The following ACCSL variants were observed in gnomAD, a reference collection of about 807,000 sequenced individuals.
ACCSL encodes the protein probable inactive 1-aminocyclopropane-1-carboxylate synthase-like protein 2.
ACCSL carries 55 observed loss-of-function variants against 61.7 expected under a neutral mutation model. The observed-to-expected ratio is 0.89, with a 90% CI of 0.72 to 1.12. ACCSL has a LOEUF of 1.12. ACCSL is among the 50% of genes most tolerant of loss of function. ACCSL has a pLI of 0.00. For missense variants in ACCSL, 632 were observed against 698.0 expected (o/e 0.91, Z 1.07); for synonymous variants, 258 against 264.3 (o/e 0.98, Z 0.23).
intron 3 of ACCSL, among the ~76,000 whole-genome samples, 153 bp downstream of exon 3, chr11:44,050,775 A>G (rs1952632333): frequency 6.6e-6 from 1 of 151,414 alleles, no homozygotes; most frequent in Non-Finnish European, 1.5e-5. Context: ...CTTCATCAGG[A>G]GGCAGCCTGG....
At chr11:43,966,499 A>AC in the ACCSL span, among the ~76,000 whole-genome samples, 1,771 of 151,050 alleles carry the variant, frequency 0.012, 15 homozygotes, top group South Asian at 0.047. Flanking sequence ...TGAAAAAAAA[A>AC]CCCACAAAAT....
the ACCSL span, among the ~76,000 whole-genome samples, chr11:44,010,919 TAGTC>T: frequency 6.6e-6 from 1 of 152,222 alleles, no homozygotes; most frequent in South Asian, 2.1e-4. Flanking sequence ...CCCCTATACT[TAGTC>T]AGTGAGGGTG....
At chr11:44,005,758 T>C in the ACCSL span, among the ~76,000 whole-genome samples, 1 of 152,140 alleles carries the variant, frequency 6.6e-6, no homozygotes, top group East Asian at 1.9e-4. Context: ...GTAATTACAC[T>C]ATCACACTAC....
the ACCSL span, among the ~76,000 whole-genome samples, chr11:43,972,918 G>A: frequency 6.6e-6 from 1 of 152,178 alleles, no homozygotes; most frequent in Non-Finnish European, 1.5e-5. Flanking sequence ...CGAGGCAGGA[G>A]GATCACTGGA....
At chr11:43,959,865 GT>G in the ACCSL span, among the ~76,000 whole-genome samples, 2 of 152,134 alleles carry the variant, frequency 1.3e-5, no homozygotes, top group Non-Finnish European at 2.9e-5. Flanking sequence ...CTTGGGGAGA[GT>G]CCCAGAAGCT....
chr11:44,030,563 A>AT, the ACCSL span, among the ~76,000 whole-genome samples: 2 of 150,528 alleles, frequency 1.3e-5, no homozygotes, highest in African/African-American at 4.9e-5. Flanking sequence ...AATCCAGGGG[A>AT]TTTTTTTTGG....
the ACCSL span, among the ~76,000 whole-genome samples, chr11:44,009,081 T>C: frequency 6.6e-6 from 1 of 152,100 alleles, no homozygotes; most frequent in Admixed American, 6.5e-5. Flanking sequence ...GGTGGGAGAA[T>C]CACTTGAGTC....
chr11:44,058,999 T>G (rs889574137), intron 13 of ACCSL, among the ~76,000 whole-genome samples: 1 of 152,118 alleles, frequency 6.6e-6, no homozygotes, highest in Non-Finnish European at 1.5e-5. Flanking sequence ...TCCCAGCACT[T>G]TGGGAGGCCG....
At chr11:43,996,309 C>A in the ACCSL span, among the ~76,000 whole-genome samples, 1 of 152,150 alleles carries the variant, frequency 6.6e-6, no homozygotes, top group Non-Finnish European at 1.5e-5. Context: ...TAATATGGTT[C>A]GATTGATGTC....
At chr11:43,965,516 A>G in the ACCSL span, among the ~76,000 whole-genome samples, 1 of 152,224 alleles carries the variant, frequency 6.6e-6, no homozygotes, top group African/African-American at 2.4e-5. Context: ...TTGTTAAGAT[A>G]CAATACTCCT....
At chr11:44,058,804 TC>T (rs1394423893) in intron 13 of ACCSL, 105 bp downstream of exon 13, 11 of 1,340,306 alleles carry the variant, frequency 8.2e-6, no homozygotes, top group Admixed American at 2.6e-5. Context: ...AGCCCTTTAT[TC>T]CCTGTTTCCA....
chr11:44,050,635 C>A lies in ACCSL; in HGVS notation c.635+13C>A, dbSNP rs753564361. On this transcript the variant is annotated intron_variant, in intron 3 of 13. Coordinates refer to ENST00000378832, the MANE Select transcript of ACCSL (RefSeq NM_001031854.2). ...GAGGGCAGCCATTGTAAGTGACCTT[C>A]AGATTTAGAGTCTCTTGGTCCCACA... 2.5e-6 allele frequency: 4 copies of A among 1,612,746 alleles called. No individual in the cohort carries two copies. The African/African-American group carries it at 5.3e-5, about 22-fold the overall frequency.
At chr11:44,001,774 G>GCT in the ACCSL span, among the ~76,000 whole-genome samples, 1 of 114,288 alleles carries the variant, frequency 8.7e-6, no homozygotes, top group African/African-American at 3.5e-5. Flanking sequence ...AGGTAAAGGG[G>GCT]CTGTGTGTGT....
At chr11:43,965,425 A>G in the ACCSL span, among the ~76,000 whole-genome samples, 15 of 152,230 alleles carry the variant, frequency 9.9e-5, no homozygotes, top group Admixed American at 9.8e-4. Flanking sequence ...ACCGAAAACT[A>G]CAAAACATTG....
At chr11:43,987,115 A>G in the ACCSL span, among the ~76,000 whole-genome samples, 1 of 151,526 alleles carries the variant, frequency 6.6e-6, no homozygotes, top group East Asian at 1.9e-4. Context: ...AGAACAAGCA[A>G]TGGATCCTTG....
the ACCSL span, among the ~76,000 whole-genome samples, chr11:43,938,272 A>G: frequency 1.3e-5 from 2 of 151,994 alleles, no homozygotes; most frequent in Non-Finnish European, 2.9e-5. Context: ...CTTGCCTGTC[A>G]TTCTCCACAA....
At chr11:43,988,508 C>T in the ACCSL span, among the ~76,000 whole-genome samples, 1 of 151,510 alleles carries the variant, frequency 6.6e-6, no homozygotes, top group Non-Finnish European at 1.5e-5. Flanking sequence ...AAGGGGGTCT[C>T]GGTGGCGTAG....
At chr11:44,051,575 G>C (rs1952639349) in intron 4 of ACCSL, 78 bp from the exon 5 acceptor site, 1 of 1,589,328 alleles carries the variant, frequency 6.3e-7, no homozygotes, top group African/African-American at 1.3e-5. Context: ...GTTCTGCCCA[G>C]GGGGATGGAG....
At chr11:43,999,724 G>C in the ACCSL span, among the ~76,000 whole-genome samples, 2 of 152,132 alleles carry the variant, frequency 1.3e-5, no homozygotes, top group Non-Finnish European at 2.9e-5. Flanking sequence ...AATATCAGGG[G>C]GTGGGATAAT....
Sources: gnomAD v4.1 joint callset for allele counts (sites outside exome capture counted in the v4.1 genomes callset) on GRCh38, gnomAD v4.1.1 for gene constraint, MANE v1.5 for transcripts, NCBI Gene and HGNC (gene_info 2026-07-23, HGNC 2026-07-21) for gene names.